TMEM154: variants seen among roughly 807,000 people sequenced by gnomAD.
TMEM154 encodes the protein transmembrane protein 154.
A neutral mutation model predicts 24.5 loss-of-function variants in TMEM154; 27 were observed. That is an observed-to-expected ratio of 1.10 (90% confidence interval 0.81 to 1.52). The LOEUF is 1.52. Ranked by LOEUF, TMEM154 falls within the 40% of genes most tolerant of loss-of-function variation. TMEM154 has a pLI of 0.00. For synonymous variants in TMEM154, 67 were observed against 76.8 expected, an observed-to-expected ratio of 0.87 and a Z score of 0.67; for missense variants, 228 against 213.4, an observed-to-expected ratio of 1.07 and a Z score of -0.43.
chr4:152,649,826 G>A (rs1241930706), intron 3 of TMEM154, among the ~76,000 whole-genome samples: 2 of 152,194 alleles, frequency 1.3e-5, no homozygotes, highest in Non-Finnish European at 2.9e-5. Flanking sequence ...TGCAGGTTCA[G>A]GTCCAGACCA....
chr4:152,631,366 T>C (rs776317358), intron 6 of TMEM154, among the ~76,000 whole-genome samples: 15 of 152,208 alleles, frequency 9.9e-5, no homozygotes, highest in African/African-American at 1.4e-4. Context: ...CAAAGCTTAG[T>C]TGGTAATTTT....
chr4:152,632,429 T>C (rs1281899421), intron 6 of TMEM154, among the ~76,000 whole-genome samples: 1 of 152,234 alleles, frequency 6.6e-6, no homozygotes, highest in African/African-American at 2.4e-5. Context: ...CCCACCCTTA[T>C]TCCATCTTAC....
At chr4:152,659,233 T>G (rs1728549516) in intron 1 of TMEM154, among the ~76,000 whole-genome samples, 1 of 151,890 alleles carries the variant, frequency 6.6e-6, no homozygotes, top group African/African-American at 2.4e-5. Context: ...AAGCTGGAGG[T>G]CATTATTTTA....
At chr4:152,633,055 G>A (rs1331322227) in intron 6 of TMEM154, among the ~76,000 whole-genome samples, 1 of 152,204 alleles carries the variant, frequency 6.6e-6, no homozygotes, top group Non-Finnish European at 1.5e-5. Context: ...CATGAATATT[G>A]TTTCAAATAT....
intron 6 of TMEM154, among the ~76,000 whole-genome samples, chr4:152,630,058 C>T (rs1443635734): frequency 6.6e-6 from 1 of 152,000 alleles, no homozygotes. Context: ...TCACAGCTGT[C>T]ATCCCAGCTC....
chr4:152,679,876 C>G lies in TMEM154; in HGVS notation c.58G>C (p.Gly20Arg), dbSNP rs748579822. ...FALVIALVPV[G>R]RGNYEELENS... Reference sequence around the variant, plus strand: ...GGAAGTGGAGGCGGCTTACCCCGGCCGACGGGAACGAGCGCGATCACCAGG... The same window carrying G: ...GGAAGTGGAGGCGGCTTACCCCGGCGGACGGGAACGAGCGCGATCACCAGG... Residue 20 changes from glycine to arginine, a missense_variant, in exon 1 of 7, where the codon GGC becomes CGC. Physicochemically the swap from Gly to Arg is moderately radical, Grantham distance 125. Transcript: ENST00000304385. 3.1e-6 allele frequency: 5 copies of G among 1,608,828 alleles called. No homozygotes were observed. Among genetic ancestry groups the G allele is most frequent in the South Asian group, 1.1e-5 (1 of 89,628 alleles).
At chr4:152,656,269 C>A (rs1036280045) in intron 1 of TMEM154, among the ~76,000 whole-genome samples, 3 of 152,150 alleles carry the variant, frequency 2.0e-5, no homozygotes, top group Admixed American at 6.5e-5. Context: ...AGCACCCAAG[C>A]AAGACACCTG....
At chr4:152,629,356 AGT>A (rs1751989311) in intron 6 of TMEM154, among the ~76,000 whole-genome samples, 1 of 152,176 alleles carries the variant, frequency 6.6e-6, no homozygotes, top group African/African-American at 2.4e-5. Flanking sequence ...GGGCCTTCTC[AGT>A]GTCATTTAGA....
At chr4:152,632,799 AG>A (rs764361394) in intron 6 of TMEM154, among the ~76,000 whole-genome samples, 2 of 152,224 alleles carry the variant, frequency 1.3e-5, no homozygotes, top group Non-Finnish European at 2.9e-5. Flanking sequence ...AGTCTGAATC[AG>A]GGTTCACTTT....
intron 6 of TMEM154, among the ~76,000 whole-genome samples, chr4:152,630,828 A>G (rs1752025381): frequency 6.6e-6 from 1 of 152,206 alleles, no homozygotes. Flanking sequence ...ATAATGATAT[A>G]TATTCTTTTC....
At position 152,624,189 on chromosome 4, in the gene TMEM154, T is replaced by C. The variant is rs938334753; in HGVS notation, c.*4357A>G. On this transcript the variant is annotated 3_prime_UTR_variant, in exon 7 of 7. Transcript: ENST00000304385. ...TATCATTCAAAAAGAGCTTAGAGCA[T>C]GTACAGAGTTCATATAAAGCTCTAT... 19 of 152,236 alleles carry C rather than the reference T, an allele frequency of 1.2e-4. No individual in the cohort carries two copies. The highest frequency in any genetic ancestry group is 3.4e-4 in the African/African-American group (14 of 41,466). The allele number at this position is 152,236 out of a possible 1,614,324, so 9.4% of individuals were successfully genotyped here.
At chr4:152,654,682 C>A (rs1345141216) in intron 1 of TMEM154, among the ~76,000 whole-genome samples, 1 of 152,152 alleles carries the variant, frequency 6.6e-6, no homozygotes, top group Non-Finnish European at 1.5e-5. Flanking sequence ...CTTTCCTTGC[C>A]ATATGTGGAT....
rs10545647 is a variant in TMEM154, at chr4:152,645,934, TACACACACACACAC to T, written c.365-1506_365-1493del. On this transcript the variant is annotated intron_variant, in intron 3 of 6. Transcript: ENST00000304385. ...GAAACTTAGATGGGGGAAAGGAGAATACACACACACACACACACACACACACACACACACACACA... is the reference window on the plus strand; with the variant it reads ...GAAACTTAGATGGGGGAAAGGAGAATACACACACACACACACACACACACA... 9.7e-4 allele frequency among the ~76,000 whole-genome samples: 136 copies of T among 140,568 alleles called. 1 individual carries two copies. The highest frequency in any genetic ancestry group is 3.1e-3 in the African/African-American group (118 of 38,004). 92.2% of individuals were successfully genotyped at this position (140,568 alleles called of 152,430 possible). A position where few individuals can be genotyped will look rare whatever the true frequency, so the allele number is the denominator to read the frequency against.
intron 1 of TMEM154, among the ~76,000 whole-genome samples, chr4:152,660,391 T>C (rs1282546650): frequency 6.6e-6 from 1 of 150,416 alleles, no homozygotes; most frequent in Non-Finnish European, 1.5e-5. Context: ...CCCCTCACTT[T>C]ACTTCTTTTG....
intron 6 of TMEM154, among the ~76,000 whole-genome samples, chr4:152,629,278 C>A (rs1316165888): frequency 6.6e-6 from 1 of 152,222 alleles, no homozygotes; most frequent in Non-Finnish European, 1.5e-5. Context: ...GCCGTTTTCT[C>A]TCAAGAGTTT....
intron 4 of TMEM154, 130 bp from the exon 5 acceptor site, chr4:152,643,303 T>G (rs11731739): frequency 0.07 from 47,032 of 675,612 alleles, 1,998 homozygotes; most frequent in African/African-American, 0.12. Context: ...TAGGGAAGCC[T>G]GGGGGCTTGC....
chr4:152,650,683 A>T (rs1368830081), intron 3 of TMEM154, among the ~76,000 whole-genome samples: 1 of 152,194 alleles, frequency 6.6e-6, no homozygotes. Flanking sequence ...TCCTTCCCAG[A>T]TTTATCAGAG....
At position 152,629,554 on chromosome 4, in the gene TMEM154, C is replaced by A. The variant is rs537667833; in HGVS notation, c.537-993G>T. ...ACCAAGTCTCCTGGAAAACAGGTGGCACTTCCCTTCCTCGCGCTTCTCTTT... is the reference window on the plus strand; with the variant it reads ...ACCAAGTCTCCTGGAAAACAGGTGGAACTTCCCTTCCTCGCGCTTCTCTTT... On this transcript the variant is annotated intron_variant, in intron 6 of 6. Coordinates refer to ENST00000304385, the MANE Select transcript of TMEM154 (RefSeq NM_152680.3). Among the ~76,000 whole-genome samples, 78 of 152,304 alleles carry A rather than the reference C, an allele frequency of 5.1e-4. 1 individual carries two copies. Among genetic ancestry groups the A allele is most frequent in the Middle Eastern group, 3.4e-3 (1 of 294 alleles).
At chr4:152,649,190 G>A (rs759745197) in intron 3 of TMEM154, among the ~76,000 whole-genome samples, 13 of 152,338 alleles carry the variant, frequency 8.5e-5, no homozygotes, top group Middle Eastern at 6.8e-3. Context: ...TGGGTGTGAG[G>A]GACATAAAGT....
Sources: gnomAD v4.1 joint callset for allele counts (sites outside exome capture counted in the v4.1 genomes callset) on GRCh38, gnomAD v4.1.1 for gene constraint, MANE v1.5 for transcripts, NCBI Gene and HGNC (gene_info 2026-07-23, HGNC 2026-07-21) for gene names.